KCNMB2: variants seen among roughly 807,000 people sequenced by gnomAD.
The protein encoded by KCNMB2 is potassium calcium-activated channel subfamily M regulatory beta subunit 2, also known as calcium-activated potassium channel subunit beta-2.
A neutral mutation model predicts 24.5 loss-of-function variants in KCNMB2; 9 were observed. The ratio of observed to expected loss-of-function variants is 0.37; its 90% confidence interval spans 0.22 to 0.64. The LOEUF is 0.64. Ranked by LOEUF, KCNMB2 falls within the 30% of genes least tolerant of loss-of-function variation. KCNMB2 has a pLI of 0.63. For synonymous variants in KCNMB2, 109 were observed against 104.4 expected (o/e 1.04, Z -0.27); for missense variants, 226 against 284.3 (o/e 0.79, Z 1.47).
chr3:178,710,526 T>A (rs1300244981), intron 1 of KCNMB2, among the ~76,000 whole-genome samples: 1 of 152,084 alleles, frequency 6.6e-6, no homozygotes, highest in Non-Finnish European at 1.5e-5. Context: ...AACTTGTGTT[T>A]CTCCTCCCCA....
chr3:178,613,293 G>A (rs1162518092), intron 1 of KCNMB2, among the ~76,000 whole-genome samples: 4 of 152,146 alleles, frequency 2.6e-5, no homozygotes, highest in South Asian at 4.2e-4. Context: ...CACTACTTGG[G>A]AGGCTGAGGC....
chr3:178,570,950 T>C (rs1250239124), intron 1 of KCNMB2, among the ~76,000 whole-genome samples: 1 of 152,172 alleles, frequency 6.6e-6, no homozygotes, highest in Non-Finnish European at 1.5e-5. Context: ...TGTTCATCAC[T>C]TTGGGATTGG....
intron 1 of KCNMB2, among the ~76,000 whole-genome samples, chr3:178,753,510 G>A (rs1156771588): frequency 6.6e-6 from 1 of 152,268 alleles, no homozygotes; most frequent in East Asian, 1.9e-4. Flanking sequence ...GGACTCTTAA[G>A]TGTTCAGTAT....
intron 1 of KCNMB2, among the ~76,000 whole-genome samples, chr3:178,648,544 A>T (rs916012627): frequency 6.6e-6 from 1 of 152,300 alleles, no homozygotes; most frequent in African/African-American, 2.4e-5. Flanking sequence ...TCTGTCTCTT[A>T]AAAACAAAAC....
chr3:178,687,838 A>G (rs2108326034), intron 1 of KCNMB2, among the ~76,000 whole-genome samples: 1 of 152,286 alleles, frequency 6.6e-6, no homozygotes, highest in East Asian at 1.9e-4. Context: ...GAAATAGAAT[A>G]TTTCTGCAAA....
rs144690113 is a variant in KCNMB2, at chr3:178,729,340, T to C, written c.-67-78003T>C. On this transcript the variant is annotated intron_variant, in intron 1 of 4. Transcript: ENST00000452583. Reference sequence around the variant, plus strand: ...ATCAATTTGGTCCCATCTCACAGTATTGATTAGGAAGATGGCCGAAATTGT... The same window carrying C: ...ATCAATTTGGTCCCATCTCACAGTACTGATTAGGAAGATGGCCGAAATTGT... 1.5e-3 allele frequency: 230 copies of C among 152,286 alleles called. 1 individual carries two copies. The highest frequency in any genetic ancestry group is 5.4e-3 in the African/African-American group (224 of 41,556). 9.4% of individuals were successfully genotyped at this position (152,286 alleles called of 1,614,324 possible). A position where few individuals can be genotyped will look rare whatever the true frequency, so the allele number is the denominator to read the frequency against.
chr3:178,573,613 G>A (rs1300575710), intron 1 of KCNMB2, among the ~76,000 whole-genome samples: 1 of 151,206 alleles, frequency 6.6e-6, no homozygotes, highest in South Asian at 2.1e-4. Flanking sequence ...GCCAGGTGTG[G>A]TGGTGCATGC....
At position 178,758,509 on chromosome 3, in the gene KCNMB2, T is replaced by TATAC. The variant is rs1553774699; in HGVS notation, c.-67-48832_-67-48831insACAT. On this transcript the variant is annotated intron_variant, in intron 1 of 4. Transcript: ENST00000452583. ...GAGGTGATTGATATATATATATATA[T>TATAC]ATCTCCAAGAGGAGATGTATATATA... Among the ~76,000 whole-genome samples, 157 of 32,822 alleles carry TATAC rather than the reference T, an allele frequency of 4.8e-3. 14 individuals are homozygous for TATAC. Among genetic ancestry groups the TATAC allele is most frequent in the African/African-American group, 0.022 (130 of 5,980 alleles). 21.5% of individuals were successfully genotyped at this position (32,822 alleles called of 152,430 possible).
chr3:178,712,952 G>A (rs1429424660), intron 1 of KCNMB2, among the ~76,000 whole-genome samples: 1 of 152,212 alleles, frequency 6.6e-6, no homozygotes, highest in Non-Finnish European at 1.5e-5. Flanking sequence ...CAAACTCATA[G>A]CCCTAGCCCA....
intron 1 of KCNMB2, among the ~76,000 whole-genome samples, chr3:178,699,821 C>A (rs926356755): frequency 3.3e-5 from 5 of 152,262 alleles, no homozygotes; most frequent in Admixed American, 2.6e-4. Context: ...GCTGGCTTGC[C>A]ATCCCACCAC....
chr3:178,578,059 C>T (rs1221337340), intron 1 of KCNMB2, among the ~76,000 whole-genome samples: 2 of 152,038 alleles, frequency 1.3e-5, no homozygotes, highest in Non-Finnish European at 2.9e-5. Context: ...GAAGAGCAAC[C>T]CCAAGACACG....
At chr3:178,763,397 G>C (rs963931218) in intron 1 of KCNMB2, among the ~76,000 whole-genome samples, 3 of 152,104 alleles carry the variant, frequency 2.0e-5, no homozygotes, top group African/African-American at 7.2e-5. Flanking sequence ...AGGCAAAGGA[G>C]TTAGGGGTGA....
intron 1 of KCNMB2, among the ~76,000 whole-genome samples, chr3:178,679,517 G>C (rs1259892347): frequency 2.0e-5 from 3 of 152,226 alleles, no homozygotes; most frequent in Non-Finnish European, 2.9e-5. Flanking sequence ...CCAACTGTCT[G>C]TTGGGGCTTG....
chr3:178,711,491 C>T (rs975800800), intron 1 of KCNMB2, among the ~76,000 whole-genome samples: 7 of 152,086 alleles, frequency 4.6e-5, no homozygotes, highest in Non-Finnish European at 8.8e-5. Flanking sequence ...CAGATTTCTA[C>T]CTATTCTTTA....
chr3:178,537,555 G>T (rs1327386096), intron 1 of KCNMB2, among the ~76,000 whole-genome samples: 1 of 152,220 alleles, frequency 6.6e-6, no homozygotes, highest in Non-Finnish European at 1.5e-5. Context: ...GAATAGATTT[G>T]CAGAGGAACT....
At chr3:178,575,663 T>C (rs932732185) in intron 1 of KCNMB2, among the ~76,000 whole-genome samples, 1 of 152,118 alleles carries the variant, frequency 6.6e-6, no homozygotes, top group African/African-American at 2.4e-5. Flanking sequence ...TAAACTACAG[T>C]AAAGGGAAGA....
In KCNMB2 at chr3:178,789,909, G is replaced by A. The variant is rs370440144; in HGVS notation, c.-67-17434G>A. Among the ~76,000 whole-genome samples, 52 of 152,022 alleles carry A rather than the reference G, an allele frequency of 3.4e-4. 1 individual carries two copies. The South Asian group carries it at 0.011, about 31-fold the overall frequency. ...GTGGACTTGGTGGGTGCACAACCCA[G>A]GGAGACACCATCCGGGGCAACTAAG... On this transcript the variant is annotated intron_variant, in intron 1 of 4. Coordinates refer to ENST00000452583, the MANE Select transcript of KCNMB2 (RefSeq NM_181361.3).
intron 1 of KCNMB2, among the ~76,000 whole-genome samples, chr3:178,555,265 A>G (rs1335098898): frequency 1.3e-5 from 2 of 152,210 alleles, no homozygotes; most frequent in African/African-American, 2.4e-5. Context: ...TTCCCCAAGC[A>G]AAAAATTTTC....
intron 1 of KCNMB2, among the ~76,000 whole-genome samples, chr3:178,587,887 C>T (rs6793003): frequency 3.1e-5 from 4 of 129,858 alleles, no homozygotes; most frequent in African/African-American, 8.6e-5. Context: ...ATCCCTCCCC[C>T]CCTCCCCCCA....
Sources: allele counts gnomAD v4.1 joint callset (sites outside exome capture counted in the v4.1 genomes callset), GRCh38; gene constraint gnomAD v4.1.1; transcripts MANE v1.5; gene names NCBI Gene and HGNC (gene_info 2026-07-23, HGNC 2026-07-21).